MTHFSD: variants seen among roughly 807,000 people sequenced by gnomAD.
MTHFSD encodes the protein methenyltetrahydrofolate synthase domain-containing protein.
Under a neutral mutation model 31.1 loss-of-function variants are expected in MTHFSD, and 37 were observed. The ratio of observed to expected loss-of-function variants is 1.19; its 90% CI spans 0.91 to 1.56. The LOEUF (loss-of-function observed/expected upper bound fraction) is 1.56. MTHFSD is among the 40% of genes most tolerant of loss of function. MTHFSD has a pLI of 0.00. For synonymous variants in MTHFSD, 221 were observed against 206.9 expected, an observed-to-expected ratio of 1.07 and a Z score of -0.59; for missense variants, 664 against 510.1, an observed-to-expected ratio of 1.30 and a Z score of -2.91.
At chr16:86,532,684 G>T in intron 7 of MTHFSD, 1 of 396,874 alleles carries the variant, frequency 2.5e-6, no homozygotes, top group Non-Finnish European at 4.4e-6. Flanking sequence ...TCTGCCCCTC[G>T]CCCCTGGCTT....
rs1228791306 is a variant in MTHFSD, at chr16:86,531,115, T to C, written c.*896A>G. 2.6e-5 allele frequency: 4 copies of C among 152,166 alleles called. No individual in the cohort carries two copies. The highest frequency in any genetic ancestry group is 3.9e-4 in the East Asian group (2 of 5,194). 9.4% of individuals were successfully genotyped at this position (152,166 alleles called of 1,614,324 possible). On this transcript the variant is annotated 3_prime_UTR_variant, in exon 8 of 8. Transcript: ENST00000360900. The surrounding 1 kb of genome is among the most constrained non-coding windows in gnomAD (Gnocchi z 5.5). ...AAAAAATCAAAATTTCCAAAGCATATACATTTGAAAAAAACAAAATCTCCA... is the reference window on the plus strand; with the variant it reads ...AAAAAATCAAAATTTCCAAAGCATACACATTTGAAAAAAACAAAATCTCCA...
intron 3 of MTHFSD, among the ~76,000 whole-genome samples, chr16:86,551,544 A>C (rs1179611197): frequency 6.6e-6 from 1 of 152,256 alleles, no homozygotes; most frequent in Non-Finnish European, 1.5e-5. Flanking sequence ...GAATTTAAAA[A>C]GTTCAGCAGT....
chr16:86,551,094 G>T (rs1567554790), intron 3 of MTHFSD, among the ~76,000 whole-genome samples: 1 of 152,022 alleles, frequency 6.6e-6, no homozygotes, highest in Non-Finnish European at 1.5e-5. Context: ...AAATTAATGG[G>T]GCCATTTGAA....
At chr16:86,544,463 A>G (rs1971984048) in intron 5 of MTHFSD, among the ~76,000 whole-genome samples, 1 of 152,256 alleles carries the variant, frequency 6.6e-6, no homozygotes, top group African/African-American at 2.4e-5. Context: ...TATACAGCCA[A>G]CAAACATGGA....
chr16:86,548,422 T>C, intron 4 of MTHFSD, 42 bp downstream of exon 4: 1 of 1,491,756 alleles, frequency 6.7e-7, no homozygotes, highest in South Asian at 1.1e-5. Context: ...CTTCACAGGG[T>C]ACAGTTCTTT....
At chr16:86,545,832 C>G (rs1231765622) in intron 5 of MTHFSD, among the ~76,000 whole-genome samples, 1 of 152,354 alleles carries the variant, frequency 6.6e-6, no homozygotes, top group Non-Finnish European at 1.5e-5. Context: ...GAACAGTGCG[C>G]TCCTGAGTCC....
rs1024932699 is a variant in MTHFSD, at chr16:86,551,824, G to A, written c.237+209C>T. On this transcript the variant is annotated intron_variant, in intron 3 of 7. Transcript: ENST00000360900. ...TTTATCTCTGAATTTAGAAGCATTC[G>A]GGACTCCTGATTGACTGAATTGCTA... 14 of 858,624 alleles carry A rather than the reference G, an allele frequency of 1.6e-5. 1 individual carries two copies. Among genetic ancestry groups the A allele is most frequent in the Middle Eastern group, 7.4e-4 (2 of 2,718 alleles). The allele number at this position is 858,624 out of a possible 1,614,324, so 53.2% of individuals were successfully genotyped here. A position where few individuals can be genotyped will look rare whatever the true frequency, so the allele number is the denominator to read the frequency against.
chr16:86,555,130 C>G (rs898902702), intron 1 of MTHFSD, 39 bp downstream of exon 1: 4 of 1,532,738 alleles, frequency 2.6e-6, no homozygotes, highest in Non-Finnish European at 3.5e-6. Flanking sequence ...CTGTCCCTCC[C>G]CATTCCCAGC....
chr16:86,555,168 C>T lies in MTHFSD; in HGVS notation c.16+1G>A, dbSNP rs1407110896. 1.0e-5 allele frequency: 16 copies of T among 1,536,632 alleles called. No homozygotes were observed. The highest frequency in any genetic ancestry group is 1.4e-5 in the Non-Finnish European group (16 of 1,146,312). ...CCCCGGAGCCCCGCCAGGCCCCCCA[C>T]CTGCCCTCGGCTCCATGGTGATGCA... On this transcript the variant is annotated splice_donor_variant, in intron 1 of 7. Transcript: ENST00000360900. LOFTEE classifies it high-confidence loss of function.
chr16:86,547,900 A>G (rs1298191726), intron 4 of MTHFSD: 1 of 482,656 alleles, frequency 2.1e-6, no homozygotes, highest in Non-Finnish European at 3.1e-6. Context: ...AAAAGTCACC[A>G]AATTCGACTT....
At chr16:86,545,006 T>G (rs946988212) in intron 5 of MTHFSD, among the ~76,000 whole-genome samples, 2 of 152,042 alleles carry the variant, frequency 1.3e-5, no homozygotes, top group Non-Finnish European at 2.9e-5. Context: ...AGCTGAACAA[T>G]GAGAACATAT....
chr16:86,548,157 A>T (rs765142474), intron 4 of MTHFSD: 1 of 1,286,698 alleles, frequency 7.8e-7, no homozygotes, highest in African/African-American at 1.5e-5. Flanking sequence ...AATACTGAAC[A>T]TCGCAGGTTA....
At chr16:86,547,753 A>G (rs1972542805) in intron 4 of MTHFSD, among the ~76,000 whole-genome samples, 2 of 152,332 alleles carry the variant, frequency 1.3e-5, no homozygotes, top group African/African-American at 4.8e-5. Context: ...GCTAATAAGT[A>G]AACAATGAAA....
Position 86,531,177 on chromosome 16 carries a change from T to C in MTHFSD, c.*834A>G, listed in dbSNP as rs898764840. ...ATTTTGACTTGTTGCCCGGGATCAA[T>C]TGCAAAAGCGCTTCTGTTGAGAAAG... is the stretch of plus-strand genomic sequence containing the variant. On this transcript the variant is annotated 3_prime_UTR_variant, in exon 8 of 8. Coordinates refer to ENST00000360900, the MANE Select transcript of MTHFSD (RefSeq NM_001159377.2). This position sits in a 1 kb window ranked among gnomAD's most constrained non-coding sequence, Gnocchi z 5.5. 5.3e-5 allele frequency: 8 copies of C among 152,358 alleles called. No individual in the cohort carries two copies. The highest frequency in any genetic ancestry group is 3.9e-4 in the East Asian group (2 of 5,190). The allele number at this position is 152,358 out of a possible 1,614,324, so 9.4% of individuals were successfully genotyped here. A position where few individuals can be genotyped will look rare whatever the true frequency, so the allele number is the denominator to read the frequency against.
At position 86,541,715 on chromosome 16, in the gene MTHFSD, C is replaced by T. The variant is rs371515815; in HGVS notation, c.663G>A (p.Met221Ile). The change falls in exon 7 of 8, where the codon ATG becomes ATA. Residue 221 changes from methionine (M) to isoleucine (I), a missense_variant. Transcript: ENST00000360900. Reference protein sequence around the residue: ...IATGCKRPKPMGITWFKISLE... With the variant: ...IATGCKRPKPIGITWFKISLE... The stretch of plus-strand genomic sequence containing the variant: ...GACCCACCTTGAACCAGGTGATTCC[C>T]ATTGGCTTTGGGCGCTTGCAGCCTG... 3.1e-6 allele frequency: 5 copies of T among 1,613,592 alleles called. No individual in the cohort carries two copies. The highest frequency in any genetic ancestry group is 3.4e-6 in the Non-Finnish European group (4 of 1,179,868).
intron 2 of MTHFSD, among the ~76,000 whole-genome samples, chr16:86,553,054 G>C (rs906837751): frequency 2.0e-5 from 3 of 152,022 alleles, no homozygotes; most frequent in Non-Finnish European, 4.4e-5. Flanking sequence ...TGATCAGCTG[G>C]GAAACTGAGG....
In MTHFSD at chr16:86,541,797, A is replaced by T. The variant is rs1377803976; in HGVS notation, c.581T>A (p.Val194Asp). The change falls in exon 7 of 8, where the codon GTT becomes GAT. Residue 194 changes from valine (V) to aspartate (D), a missense_variant. Coordinates refer to ENST00000360900, the MANE Select transcript of MTHFSD (RefSeq NM_001159377.2). Reference sequence around the variant, plus strand: ...GTCCACAGTGATGTCGTGCTCCTCAACAAGCTCTTCAGGGATGTCCACGAC... The same window carrying T: ...GTCCACAGTGATGTCGTGCTCCTCATCAAGCTCTTCAGGGATGTCCACGAC... The part of the protein sequence containing the change: ...CQVVDIPEEL[V>D]EEHDITVDYI... 1 of 1,614,084 alleles carries T rather than the reference A, an allele frequency of 6.2e-7. No individual in the cohort carries two copies. Among genetic ancestry groups the T allele is most frequent in the African/African-American group, 1.3e-5 (1 of 74,942 alleles).
chr16:86,549,579 T>C (rs966636760), intron 3 of MTHFSD, among the ~76,000 whole-genome samples: 3 of 152,222 alleles, frequency 2.0e-5, no homozygotes, highest in African/African-American at 7.2e-5. Flanking sequence ...GCCCCACATA[T>C]GGGGATCACT....
At chr16:86,552,255 T>G (rs1027947370) in intron 2 of MTHFSD, 109 bp from the exon 3 acceptor site, 5 of 1,606,704 alleles carry the variant, frequency 3.1e-6, no homozygotes, top group East Asian at 2.2e-5. Context: ...TTTGAACGCC[T>G]GCAAGCGTGG....
Sources: allele counts gnomAD v4.1 joint callset (sites outside exome capture counted in the v4.1 genomes callset), GRCh38; gene constraint gnomAD v4.1.1; non-coding constraint Gnocchi (gnomAD v3.1); transcripts MANE v1.5; gene names NCBI Gene and HGNC (gene_info 2026-07-23, HGNC 2026-07-21).